ANKRD27: variants seen among roughly 807,000 people sequenced by gnomAD.
ANKRD27 encodes the protein ankyrin repeat domain-containing protein 27.
ANKRD27 carries 112 observed loss-of-function variants against 129.7 expected under a neutral mutation model. That is an observed-to-expected ratio of 0.86 (90% confidence interval 0.74 to 1.01). ANKRD27 has a LOEUF of 1.01. ANKRD27 is among the 50% of genes least tolerant of loss of function. The probability of loss-of-function intolerance (pLI) is 0.00; values close to 1 mark genes in which losing one functional copy is unlikely to be tolerated. For missense variants in ANKRD27, 1,258 were observed against 1,300.5 expected (o/e 0.97, Z 0.50); for synonymous variants, 516 against 511.2 (o/e 1.01, Z -0.13).
intron 2 of ANKRD27, among the ~76,000 whole-genome samples, chr19:32,655,991 C>T (rs1230932211): frequency 6.8e-6 from 1 of 147,870 alleles, no homozygotes; most frequent in Non-Finnish European, 1.5e-5. Flanking sequence ...ATACTCCAGC[C>T]TGGGCAACAC....
intron 3 of ANKRD27, among the ~76,000 whole-genome samples, chr19:32,647,200 A>T (rs1967319823): frequency 6.6e-6 from 1 of 152,194 alleles, no homozygotes; most frequent in Non-Finnish European, 1.5e-5. Flanking sequence ...GCCTTTCACG[A>T]CATTGACATT....
intron 3 of ANKRD27, among the ~76,000 whole-genome samples, chr19:32,646,864 C>T (rs571682354): frequency 5.4e-4 from 82 of 152,280 alleles, no homozygotes; most frequent in Middle Eastern, 3.4e-3. Context: ...CTTACTCCAT[C>T]ACCCAGGCTG....
chr19:32,660,494 G>C (rs1967623991), intron 1 of ANKRD27, among the ~76,000 whole-genome samples: 1 of 152,110 alleles, frequency 6.6e-6, no homozygotes, highest in South Asian at 2.1e-4. Flanking sequence ...CTCCAGCCTG[G>C]GTGATAAAGC....
intron 25 of ANKRD27, among the ~76,000 whole-genome samples, chr19:32,604,006 G>T (rs1021638103): frequency 8.6e-5 from 13 of 151,742 alleles, no homozygotes; most frequent in Middle Eastern, 3.4e-3. Context: ...GCTAGCTGAG[G>T]GGGGGGCCCC....
rs780983903 is a variant in ANKRD27 at position 32,607,625 on chromosome 19, C to T, written c.2373+10G>A. ...ACCCTGCTCCACCACCCCCAACACA[C>T]AGCCCGAACCTGAAAGTGGCCCTGC... is the stretch of plus-strand genomic sequence containing the variant. On this transcript the variant is annotated intron_variant, in intron 23 of 28. Coordinates refer to ENST00000306065, the MANE Select transcript of ANKRD27 (RefSeq NM_032139.3). 171 of 1,610,260 alleles carry T rather than the reference C, an allele frequency of 1.1e-4. No individual in the cohort carries two copies. Among genetic ancestry groups the T allele is most frequent in the Non-Finnish European group, 1.4e-4 (165 of 1,179,276 alleles).
At chr19:32,667,746 C>T (rs765429907) in intron 1 of ANKRD27, among the ~76,000 whole-genome samples, 6 of 149,750 alleles carry the variant, frequency 4.0e-5, no homozygotes, top group Non-Finnish European at 7.4e-5. Flanking sequence ...GCAGGAGAAT[C>T]GCTTGAATCC....
At chr19:32,639,566 C>A in intron 11 of ANKRD27, 78 bp from the exon 12 acceptor site, 1 of 1,486,834 alleles carries the variant, frequency 6.7e-7, no homozygotes. Flanking sequence ...TTGGCTTGGG[C>A]AACTGATCAA....
At chr19:32,664,115 T>C (rs1967701429) in intron 1 of ANKRD27, among the ~76,000 whole-genome samples, 1 of 151,348 alleles carries the variant, frequency 6.6e-6, no homozygotes. Flanking sequence ...ATATATTTTA[T>C]CTTAATATAT....
chr19:32,631,587 C>A, intron 12 of ANKRD27, 93 bp from the exon 13 acceptor site: 1 of 946,312 alleles, frequency 1.1e-6, no homozygotes, highest in South Asian at 1.3e-5. Flanking sequence ...CTCTTCAGAG[C>A]AGTATCGGCT....
chr19:32,642,130 AC>A lies in ANKRD27; in HGVS notation c.797del (p.Arg266LeufsTer9), dbSNP rs755312670. 1.2e-6 allele frequency: 2 copies of A among 1,606,536 alleles called. No individual in the cohort carries two copies. The highest frequency in any genetic ancestry group is 1.7e-6 in the Non-Finnish European group (2 of 1,175,448). ...VKPEFSFNIPRAKRELAQLNK... is the reference protein window; with the variant it reads ...VKPEFSFNIPXAKRELAQLNK... ...TCAGCTGAGCCAGCTCTCTTTTGGC[AC>A]GAGGTATGTTAAAGCTGTAAAATAA... On this transcript the variant is annotated frameshift_variant, in exon 10 of 29. Transcript: ENST00000306065. LOFTEE classifies it high-confidence loss of function.
chr19:32,625,652 G>A (rs565428727), intron 17 of ANKRD27, among the ~76,000 whole-genome samples: 11 of 152,104 alleles, frequency 7.2e-5, no homozygotes, highest in East Asian at 1.9e-4. Flanking sequence ...GGCTGGTCTC[G>A]AACTCCTGAC....
At chr19:32,674,000 A>AAAAAAAAAT (rs1555750381) in intron 1 of ANKRD27, among the ~76,000 whole-genome samples, 1 of 147,438 alleles carries the variant, frequency 6.8e-6, no homozygotes, top group Non-Finnish European at 1.5e-5. Flanking sequence ...AAAAAAAAAA[A>AAAAAAAAAT]TTAAAAATTA....
intron 26 of ANKRD27, 113 bp from the exon 27 acceptor site, chr19:32,600,163 T>C: frequency 1.3e-6 from 1 of 791,462 alleles, no homozygotes; most frequent in Non-Finnish European, 2.0e-6. Context: ...ATTTAGAAAC[T>C]GAAGCACTGA....
intron 12 of ANKRD27, among the ~76,000 whole-genome samples, chr19:32,634,879 C>T (rs1967061780): frequency 6.6e-6 from 1 of 152,122 alleles, no homozygotes; most frequent in African/African-American, 2.4e-5. Context: ...TGCACCACTG[C>T]ACTCCCGTCT....
intron 2 of ANKRD27, among the ~76,000 whole-genome samples, chr19:32,654,777 G>T (rs1232454957): frequency 6.6e-6 from 1 of 151,514 alleles, no homozygotes; most frequent in East Asian, 1.9e-4. Flanking sequence ...TGTTTGTTTT[G>T]TTTGTTTGTT....
intron 25 of ANKRD27, 146 bp downstream of exon 25, chr19:32,604,117 T>C (rs1971693471): frequency 3.7e-6 from 3 of 816,612 alleles, no homozygotes; most frequent in South Asian, 4.9e-5. Context: ...CTACCCACGC[T>C]GTGGACTTCT....
intron 16 of ANKRD27, 88 bp downstream of exon 16, chr19:32,626,624 G>C (rs758907233): frequency 4.0e-6 from 4 of 989,664 alleles, no homozygotes; most frequent in Non-Finnish European, 6.0e-6. Context: ...CAGGGGTGCA[G>C]GGTAGCCAGC....
intron 14 of ANKRD27, 105 bp from the exon 15 acceptor site, chr19:32,628,270 GGATGCCACCCAAGA>G (rs1449500696): frequency 3.4e-6 from 3 of 884,950 alleles, no homozygotes; most frequent in Non-Finnish European, 5.4e-6. Flanking sequence ...GCGGCTCACA[GGATGCCACCCAAGA>G]GATGTGTGTC....
chr19:32,660,001 G>A (rs936028292), intron 1 of ANKRD27, among the ~76,000 whole-genome samples: 9 of 152,186 alleles, frequency 5.9e-5, no homozygotes, highest in Admixed American at 6.6e-5. Flanking sequence ...GCATGTGCCC[G>A]TAGTCCCAGC....
Sources: allele counts gnomAD v4.1 joint callset (sites outside exome capture counted in the v4.1 genomes callset), GRCh38; gene constraint gnomAD v4.1.1; transcripts MANE v1.5; gene names NCBI Gene and HGNC (gene_info 2026-07-23, HGNC 2026-07-21).